The following ROBO1 variants were observed in gnomAD, a reference collection of about 807,000 sequenced individuals.
ROBO1 encodes the protein roundabout guidance receptor 1.
A neutral mutation model predicts 195.9 loss-of-function variants in ROBO1; 149 were observed. That is an observed-to-expected ratio of 0.76 (90% confidence interval 0.67 to 0.87). The LOEUF (loss-of-function observed/expected upper bound fraction) is 0.87. Ranked by LOEUF, ROBO1 falls within the 40% of genes least tolerant of loss-of-function variation. The pLI is 0.00. For synonymous variants in ROBO1, 816 were observed against 733.2 expected, an observed-to-expected ratio of 1.11 and a Z score of -1.82; for missense variants, 1,933 against 2,068.3, an observed-to-expected ratio of 0.93 and a Z score of 1.27.
chr3:79,589,684 C>G (rs901763291), intron 2 of ROBO1, 140 bp downstream of exon 2: 2 of 650,416 alleles, frequency 3.1e-6, no homozygotes, highest in African/African-American at 3.7e-5. Context: ...AGCACTCATA[C>G]TCAAGAAGAC....
At chr3:79,241,646 GTAA>G (rs1265013842) in intron 2 of ROBO1, among the ~76,000 whole-genome samples, 2 of 150,908 alleles carry the variant, frequency 1.3e-5, no homozygotes, top group Non-Finnish European at 3.0e-5. Context: ...ATAATAGATA[GTAA>G]TAACCAATAT....
At chr3:79,550,602 G>C (rs1942475441) in intron 2 of ROBO1, among the ~76,000 whole-genome samples, 1 of 152,164 alleles carries the variant, frequency 6.6e-6, no homozygotes, top group African/African-American at 2.4e-5. Context: ...ATTGGCTTAT[G>C]CTTCAACATA....
intron 1 of ROBO1, among the ~76,000 whole-genome samples, chr3:79,594,227 G>T (rs563409920): frequency 1.8e-4 from 28 of 152,046 alleles, no homozygotes; most frequent in Non-Finnish European, 3.2e-4. Flanking sequence ...TTATCAATAA[G>T]ATAATTGATT....
At chr3:79,012,030 C>T (rs1439854586) in intron 3 of ROBO1, among the ~76,000 whole-genome samples, 3 of 152,134 alleles carry the variant, frequency 2.0e-5, no homozygotes, top group African/African-American at 7.2e-5. Flanking sequence ...GTCCTGTACA[C>T]ATGAGTTGAA....
rs147392579 is a variant in ROBO1, at chr3:79,600,909, C to A, written c.-50-10948G>T. On this transcript the variant is annotated intron_variant, in intron 1 of 30. Coordinates refer to ENST00000464233, the MANE Select transcript of ROBO1 (RefSeq NM_002941.4). ...CATTTATTTAATAAACGTTATTTGA[C>A]AACTTACTATGCACCATCCTAAGAT... Among the ~76,000 whole-genome samples the A allele has an allele frequency of 1.1e-3, 171 of 152,070 alleles. 6 individuals carry two copies. In the East Asian group the frequency reaches 0.032, roughly 29 times the overall value.
chr3:79,459,186 A>G (rs760191288), intron 2 of ROBO1, among the ~76,000 whole-genome samples: 2 of 151,488 alleles, frequency 1.3e-5, no homozygotes, highest in East Asian at 1.9e-4. Context: ...CCTATGTTCA[A>G]TTTTCCTCTA....
At position 78,717,858 on chromosome 3, in the gene ROBO1, G is replaced by A. The variant is rs746106497; in HGVS notation, c.683C>T (p.Thr228Ile). 3.7e-6 allele frequency: 6 copies of A among 1,613,578 alleles called. No individual in the cohort carries two copies. The South Asian group carries it at 5.5e-5, about 15-fold the overall frequency. ...GCCAGCGTCACTTTTACGGGTGTAA[G>A]TGATCATGAGCTTTCCTCCTCGTAT... is the stretch of plus-strand genomic sequence containing the variant. ...ITIRGGKLMITYTRKSDAGKY... is the reference protein window; with the variant it reads ...ITIRGGKLMIIYTRKSDAGKY... Residue 228 changes from threonine (T) to isoleucine (I), a missense_variant, in exon 6 of 31, where the codon ACT becomes ATT. Thr to Ile is a moderately conservative substitution (Grantham distance 89). This residue lies in a region of ROBO1 where 1,737 missense variants were observed against 1,882.5 expected (regional missense o/e 0.92). Transcript: ENST00000464233.
At chr3:79,061,723 C>G (rs2078921665) in intron 3 of ROBO1, among the ~76,000 whole-genome samples, 1 of 152,072 alleles carries the variant, frequency 6.6e-6, no homozygotes, top group Non-Finnish European at 1.5e-5. Flanking sequence ...TGACCTTTGA[C>G]AAACCTGACA....
chr3:79,541,328 C>T (rs1316555400), intron 2 of ROBO1, among the ~76,000 whole-genome samples: 5 of 152,042 alleles, frequency 3.3e-5, no homozygotes, highest in Non-Finnish European at 7.4e-5. Flanking sequence ...GTTGTTTCTG[C>T]TACTGACTTT....
chr3:78,945,169 T>C (rs1019222609), intron 3 of ROBO1, among the ~76,000 whole-genome samples: 4 of 151,878 alleles, frequency 2.6e-5, no homozygotes, highest in African/African-American at 9.7e-5. Flanking sequence ...TTGAAGAGAG[T>C]AGTGGTTCTC....
At chr3:79,492,993 T>C (rs979103072) in intron 2 of ROBO1, among the ~76,000 whole-genome samples, 1 of 152,020 alleles carries the variant, frequency 6.6e-6, no homozygotes, top group South Asian at 2.1e-4. Context: ...TACAATCTAA[T>C]TTAAGATTCT....
rs1054788070 is a variant in ROBO1 at position 79,730,799 on chromosome 3, A to G, written c.-51+36953T>C. Among the ~76,000 whole-genome samples, 3 of 94,132 alleles carry G rather than the reference A, an allele frequency of 3.2e-5. No individual in the cohort carries two copies. The Admixed American group carries it at 4.7e-4, about 15-fold the overall frequency. The allele number at this position is 94,132 out of a possible 152,430, so 61.8% of individuals were successfully genotyped here. ...TTTTTTTTTTTTTTTTTTTTTTGAG[A>G]TGGAGTCTTGCTCTGTTGCCCAGGC... is the stretch of plus-strand genomic sequence containing the variant. On this transcript the variant is annotated intron_variant, in intron 1 of 30. Coordinates refer to ENST00000464233, the MANE Select transcript of ROBO1 (RefSeq NM_002941.4).
chr3:79,766,955 C>T (rs900326451), intron 1 of ROBO1, among the ~76,000 whole-genome samples: 4 of 152,072 alleles, frequency 2.6e-5, no homozygotes, highest in African/African-American at 9.7e-5. Flanking sequence ...CATCTGTCTT[C>T]TCTCATTCTT....
At chr3:78,877,035 A>G (rs2035892693) in intron 4 of ROBO1, among the ~76,000 whole-genome samples, 5 of 152,168 alleles carry the variant, frequency 3.3e-5, no homozygotes, top group Admixed American at 3.3e-4. Context: ...ATAAGCAAGA[A>G]GTATTATCGC....
At chr3:78,955,361 C>T (rs1281091028) in intron 3 of ROBO1, among the ~76,000 whole-genome samples, 3 of 152,092 alleles carry the variant, frequency 2.0e-5, no homozygotes, top group African/African-American at 7.2e-5. Flanking sequence ...TCTCTCTCCT[C>T]CCAACCTTCA....
chr3:79,050,247 C>A (rs1216839791), intron 3 of ROBO1, among the ~76,000 whole-genome samples: 4 of 152,064 alleles, frequency 2.6e-5, no homozygotes, highest in Non-Finnish European at 5.9e-5. Flanking sequence ...GGGTTGCAAT[C>A]CTAGTCTCTG....
At chr3:78,942,205 T>C (rs1349056815) in intron 3 of ROBO1, among the ~76,000 whole-genome samples, 1 of 151,742 alleles carries the variant, frequency 6.6e-6, no homozygotes, top group African/African-American at 2.4e-5. Flanking sequence ...GGAGCTCAGG[T>C]GCAATGATCA....
intron 4 of ROBO1, among the ~76,000 whole-genome samples, chr3:78,767,114 A>T (rs921841127): frequency 1.5e-4 from 23 of 152,286 alleles, no homozygotes; most frequent in Non-Finnish European, 3.2e-4. Context: ...TTTTGGTATT[A>T]GCGTGATGCT....
chr3:79,111,424 C>G (rs905052805), intron 3 of ROBO1, among the ~76,000 whole-genome samples: 1 of 152,162 alleles, frequency 6.6e-6, no homozygotes, highest in Non-Finnish European at 1.5e-5. Context: ...CACTACTTTT[C>G]CCTTGCCAGC....
Sources: gnomAD v4.1 joint callset for allele counts (sites outside exome capture counted in the v4.1 genomes callset) on GRCh38, gnomAD v4.1.1 for gene constraint, gnomAD v4.1.1 regional missense constraint, MANE v1.5 for transcripts, NCBI Gene and HGNC (gene_info 2026-07-23, HGNC 2026-07-21) for gene names.